KIF4A: variants seen among roughly 807,000 people sequenced by gnomAD.
The protein encoded by KIF4A is chromosome-associated kinesin KIF4A.
Under a neutral mutation model 105.9 loss-of-function variants are expected in KIF4A, and 7 were observed. The ratio of observed to expected loss-of-function variants is 0.07; its 90% CI spans 0.04 to 0.12. The LOEUF (loss-of-function observed/expected upper bound fraction) is 0.12, where lower values mean the gene tolerates loss of function less well. KIF4A is among the 10% of genes least tolerant of loss of function. The pLI is 1.00. For synonymous variants in KIF4A, 281 were observed against 331.3 expected (o/e 0.85, Z 1.65); for missense variants, 558 against 929.2 (o/e 0.60, Z 5.19).
intron 13 of KIF4A, among the ~76,000 whole-genome samples, chrX:70,348,494 C>T (rs2086003337): frequency 9.0e-6 from 1 of 110,886 alleles, no homozygotes; most frequent in African/African-American, 3.3e-5. Context: ...GGCAGAGGTC[C>T]CTGCAGCCTT....
intron 15 of KIF4A, among the ~76,000 whole-genome samples, chrX:70,372,548 C>G (rs1274966365): frequency 8.8e-6 from 1 of 114,262 alleles, no homozygotes; most frequent in African/African-American, 3.2e-5. Context: ...CAGGCTGAGG[C>G]AGGAGAATCA....
chrX:70,366,303 G>A (rs1053698907), intron 15 of KIF4A, among the ~76,000 whole-genome samples: 2 of 111,038 alleles, frequency 1.8e-5, no homozygotes, highest in Non-Finnish European at 1.9e-5. Flanking sequence ...TTTTGAATGT[G>A]TTTGCTCTTG....
rs2086303034 is a variant in KIF4A at position 70,407,044 on chromosome X, T to C, written c.3224T>C (p.Leu1075Ser). 1 of 1,199,540 alleles carries C rather than the reference T, an allele frequency of 8.3e-7. No homozygotes were observed. Residue 1075 changes from leucine (L) to serine (S), a missense_variant, in exon 28 of 31, where the codon TTA (leucine) becomes TCA (serine). Leu to Ser is a moderately radical substitution (Grantham distance 145). Coordinates refer to ENST00000374403, the MANE Select transcript of KIF4A (RefSeq NM_012310.5). ...GDDEEWKPTK[L>S]VKVSRKNIQG... The stretch of plus-strand genomic sequence containing the variant: ...GACGAGGAATGGAAGCCAACAAAAT[T>C]AGTTAAGGTGTCCAGGAAGAACATC...
chrX:70,290,747 T>C lies in KIF4A; in HGVS notation c.177T>C (p.Thr59=). Residue 59 remains threonine, a synonymous_variant, in exon 3 of 31, where the codon ACT becomes ACC. Transcript: ENST00000374403. The stretch of plus-strand genomic sequence containing the variant: ...ACGATTTTGTATTTGATCCCTCTAC[T>C]GAACAGGAAGAAGTCTTCAATACAG... The part of the protein sequence containing the change: ...FTYDFVFDPS[T]EQEEVFNTAV... 3 of 1,210,464 alleles carry C rather than the reference T, an allele frequency of 2.5e-6. No individual in the cohort carries two copies. The highest frequency in any genetic ancestry group is 3.4e-6 in the Non-Finnish European group (3 of 894,309).
At chrX:70,401,631 C>T (rs2086283042) in intron 22 of KIF4A, among the ~76,000 whole-genome samples, 1 of 109,544 alleles carries the variant, frequency 9.1e-6, no homozygotes, top group Non-Finnish European at 1.9e-5. Context: ...GAACTCCTGA[C>T]CTCAGGTGAT....
At chrX:70,336,450 A>T (rs188724551) in intron 10 of KIF4A, among the ~76,000 whole-genome samples, 186 of 111,673 alleles carry the variant, frequency 1.7e-3, no homozygotes, top group African/African-American at 5.7e-3. Context: ...TCCAGAAGAG[A>T]TGTACCAGTT....
At chrX:70,368,812 G>A (rs2086117101) in intron 15 of KIF4A, among the ~76,000 whole-genome samples, 2 of 112,148 alleles carry the variant, frequency 1.8e-5, no homozygotes, top group Non-Finnish European at 3.8e-5. Flanking sequence ...AGGGGTTTCT[G>A]CTGCCTTTTG....
chrX:70,302,330 A>G lies in KIF4A; in HGVS notation c.710A>G (p.His237Arg). Reference protein sequence around the residue: ...DKNSSFRSKLHLVDLAGSERQ... With the variant: ...DKNSSFRSKLRLVDLAGSERQ... Reference sequence around the variant, plus strand: ...AATAGCAGCTTTCGCTCCAAGCTGCATCTTGTAGACCTCGCTGGATCAGAA... The same window carrying G: ...AATAGCAGCTTTCGCTCCAAGCTGCGTCTTGTAGACCTCGCTGGATCAGAA... The change falls in exon 7 of 31, where the codon CAT (histidine) becomes CGT (arginine). Residue 237 changes from histidine (H) to arginine (R), a missense_variant. Transcript: ENST00000374403. The G allele has an allele frequency of 1.7e-6, 2 of 1,212,010 alleles. No individual in the cohort carries two copies. The highest frequency in any genetic ancestry group is 2.2e-6 in the Non-Finnish European group (2 of 895,510).
chrX:70,335,945 C>T (rs762569642), intron 10 of KIF4A, among the ~76,000 whole-genome samples: 3 of 112,298 alleles, frequency 2.7e-5, no homozygotes, highest in African/African-American at 9.7e-5. Context: ...ACCCTTATTT[C>T]TACCTCTTTT....
chrX:70,297,340 T>C, intron 4 of KIF4A, 152 bp downstream of exon 4: 1 of 493,558 alleles, frequency 2.0e-6, no homozygotes, highest in Non-Finnish European at 3.4e-6. Context: ...TGGATCCGGC[T>C]CCCACCCAGT....
chrX:70,333,472 A>G (rs2085939160), intron 9 of KIF4A, among the ~76,000 whole-genome samples, 156 bp from the exon 10 acceptor site: 1 of 112,123 alleles, frequency 8.9e-6, no homozygotes, highest in Admixed American at 9.4e-5. Context: ...TCAACTATGT[A>G]TGATGCCTTT....
chrX:70,293,007 T>C (rs751583576), intron 3 of KIF4A, among the ~76,000 whole-genome samples: 2 of 112,143 alleles, frequency 1.8e-5, no homozygotes, highest in Non-Finnish European at 3.8e-5. Context: ...CCTAAGTATT[T>C]TGTAAAAACT....
At chrX:70,294,959 A>G (rs1189117836) in intron 3 of KIF4A, among the ~76,000 whole-genome samples, 2 of 111,676 alleles carry the variant, frequency 1.8e-5, no homozygotes, top group Non-Finnish European at 3.8e-5. Context: ...CTGTAGTCCT[A>G]GCTACCCTGG....
intron 15 of KIF4A, among the ~76,000 whole-genome samples, chrX:70,373,563 TATATACATATATAC>T (rs2086154664): frequency 2.1e-5 from 1 of 46,585 alleles, no homozygotes; most frequent in African/African-American, 7.4e-5. Flanking sequence ...TATACGTATA[TATATACATATATAC>T]GTGTATATAT....
At chrX:70,349,966 C>T (rs1389406048) in intron 13 of KIF4A, among the ~76,000 whole-genome samples, 989 of 13,300 alleles carry the variant, frequency 0.074, 21 homozygotes, top group African/African-American at 0.22. Context: ...AGTTCCCAGA[C>T]GGGGCGGCCG....
intron 15 of KIF4A, among the ~76,000 whole-genome samples, chrX:70,365,173 T>A (rs1478729617): frequency 8.9e-6 from 1 of 112,002 alleles, no homozygotes; most frequent in East Asian, 2.8e-4. Context: ...AGATATACAA[T>A]CATGTCATCT....
At chrX:70,408,387 A>C (rs2086308782) in intron 28 of KIF4A, among the ~76,000 whole-genome samples, 1 of 112,094 alleles carries the variant, frequency 8.9e-6, no homozygotes, top group Non-Finnish European at 1.9e-5. Context: ...CTACTTAGGA[A>C]CAATCCGACT....
intron 7 of KIF4A, among the ~76,000 whole-genome samples, chrX:70,327,935 G>A (rs893417631): frequency 2.7e-5 from 3 of 111,741 alleles, no homozygotes; most frequent in African/African-American, 9.8e-5. Flanking sequence ...AGGGTTCAGA[G>A]TAAGAGTTGA....
At chrX:70,371,505 G>A (rs1436540233) in intron 15 of KIF4A, among the ~76,000 whole-genome samples, 3 of 111,876 alleles carry the variant, frequency 2.7e-5, no homozygotes, top group African/African-American at 9.7e-5. Context: ...CCTCCCAGAC[G>A]GGGTGGTGGC....
Sources: allele counts gnomAD v4.1 joint callset (sites outside exome capture counted in the v4.1 genomes callset), GRCh38; gene constraint gnomAD v4.1.1; transcripts MANE v1.5; gene names NCBI Gene and HGNC (gene_info 2026-07-23, HGNC 2026-07-21).